ELF1: variants seen among roughly 807,000 people sequenced by gnomAD.
ELF1 encodes ETS-related transcription factor Elf-1.
ELF1 carries 24 observed loss-of-function variants against 59.9 expected under a neutral mutation model. The observed-to-expected ratio is 0.40, with a 90% CI of 0.29 to 0.56. The LOEUF is 0.56. Ranked by LOEUF, ELF1 falls within the 20% of genes least tolerant of loss-of-function variation. ELF1 has a pLI of 0.44. For missense variants in ELF1, 627 were observed against 742.2 expected, an observed-to-expected ratio of 0.84 and a Z score of 1.80; for synonymous variants, 248 against 266.2, an observed-to-expected ratio of 0.93 and a Z score of 0.67.
At chr13:40,947,102 G>T (rs1268174126) in intron 5 of ELF1, among the ~76,000 whole-genome samples, 1 of 150,284 alleles carries the variant, frequency 6.7e-6, no homozygotes, top group East Asian at 2.0e-4. Context: ...TCCAGCCTGG[G>T]TGAGAGAACG....
At chr13:40,985,556 T>C (rs192672057) in intron 1 of ELF1, among the ~76,000 whole-genome samples, 6 of 152,308 alleles carry the variant, frequency 3.9e-5, no homozygotes, top group African/African-American at 7.2e-5. Flanking sequence ...AGTAAACGCA[T>C]ATGTAAAAAA....
chr13:40,973,783 T>C (rs529174492), intron 2 of ELF1, among the ~76,000 whole-genome samples: 2 of 152,230 alleles, frequency 1.3e-5, no homozygotes, highest in Admixed American at 1.3e-4. Flanking sequence ...GTGTACAGAA[T>C]GGATAAATAA....
chr13:40,992,867 C>CTT lies in ELF1; in HGVS notation c.-228-10586_-228-10585insAA, dbSNP rs1462664016. ...TCTCTAACTCAAGAATTCTCTAGCT[C>CTT]GAGAATCAAGACTGACCTCTTTTGG... On this transcript the variant is annotated intron_variant, in intron 1 of 8. Transcript: ENST00000239882. 3 of 578,594 alleles carry CTT rather than the reference C, an allele frequency of 5.2e-6. No homozygotes were observed. In the African/African-American group the frequency reaches 5.7e-5, roughly 11 times the overall value. The allele number at this position is 578,594 out of a possible 1,614,324, so 35.8% of individuals were successfully genotyped here.
intron 2 of ELF1, among the ~76,000 whole-genome samples, chr13:40,974,274 A>T (rs1471492861): frequency 1.3e-5 from 2 of 152,202 alleles, no homozygotes; most frequent in Non-Finnish European, 2.9e-5. Flanking sequence ...AGCTAAAATT[A>T]GTAACACTTT....
intron 2 of ELF1, among the ~76,000 whole-genome samples, chr13:40,968,846 A>T (rs2138227293): frequency 6.6e-6 from 1 of 151,952 alleles, no homozygotes; most frequent in Non-Finnish European, 1.5e-5. Context: ...CAGCGACATG[A>T]ATAGCTGGGA....
rs116863740 is a variant in ELF1 at position 41,029,180 on chromosome 13, G to A, written c.-229+31658C>T. Among the ~76,000 whole-genome samples, 416 of 152,300 alleles carry A rather than the reference G, an allele frequency of 2.7e-3. 7 individuals are homozygous for A. The East Asian group carries it at 0.049, about 18-fold the overall frequency. On this transcript the variant is annotated intron_variant, in intron 1 of 1. Coordinates refer to the ELF1 transcript ENST00000405737. ...GGGTAGTTGTATCATTTTAGGCAGA[G>A]CTACAATTTCGTAATTGTCTCTATT...
chr13:40,980,894 T>C (rs188196135), intron 2 of ELF1, among the ~76,000 whole-genome samples: 18 of 152,276 alleles, frequency 1.2e-4, no homozygotes, highest in African/African-American at 4.3e-4. Context: ...CCTGAACCTG[T>C]TATCCTCCCT....
Position 40,940,402 on chromosome 13 carries a change from A to C in ELF1, c.1256+519T>G, listed in dbSNP as rs865866012. Among the ~76,000 whole-genome samples the C allele has an allele frequency of 8.1e-5, 12 of 148,238 alleles. No individual in the cohort carries two copies. The South Asian group carries it at 1.0e-3, about 13-fold the overall frequency. On this transcript the variant is annotated intron_variant, in intron 8 of 8. Transcript: ENST00000239882. ...GATTTAACTGAAAAAAAAAAAAAAA[A>C]AAAAAAAAAAAAAAAACAAACCTAC...
At chr13:40,941,451 C>CA in intron 7 of ELF1, 81 bp from the exon 8 acceptor site, 1 of 1,331,294 alleles carries the variant, frequency 7.5e-7, no homozygotes, top group Non-Finnish European at 1.0e-6. Flanking sequence ...TAATCATAAA[C>CA]AAAACTTTAA....
At chr13:40,934,416 CTTTTTTTT>C (rs10692930) in intron 8 of ELF1, among the ~76,000 whole-genome samples, 2 of 102,466 alleles carry the variant, frequency 2.0e-5, no homozygotes, top group Admixed American at 2.6e-4. Context: ...TTCATTCCTG[CTTTTTTTT>C]TTTTTTTTTT....
intron 2 of ELF1, among the ~76,000 whole-genome samples, chr13:40,963,083 C>G (rs912009408): frequency 1.8e-4 from 27 of 152,182 alleles, no homozygotes; most frequent in Non-Finnish European, 3.1e-4. Context: ...TCTATTTAAT[C>G]ATCACAAAAT....
At chr13:40,946,667 T>A (rs1299180493) in intron 5 of ELF1, among the ~76,000 whole-genome samples, 1 of 151,990 alleles carries the variant, frequency 6.6e-6, no homozygotes, top group African/African-American at 2.4e-5. Context: ...CTTTTCTTCC[T>A]CCTCCCTCCT....
At position 41,019,278 on chromosome 13, in the gene ELF1, T is replaced by C; in HGVS notation, c.-279A>G. 2 of 985,380 alleles carry C rather than the reference T, an allele frequency of 2.0e-6. No individual in the cohort carries two copies. The highest frequency in any genetic ancestry group is 2.4e-6 in the Non-Finnish European group (2 of 829,912). 61.0% of individuals were successfully genotyped at this position (985,380 alleles called of 1,614,324 possible). ...TTTTGAGCTTGAAAATAAAAAGCAA[T>C]CCGACAAGTTTTAGCTGTTAAAATG... On this transcript the variant is annotated 5_prime_UTR_variant, in exon 1 of 9. Transcript: ENST00000239882.
intron 1 of ELF1, among the ~76,000 whole-genome samples, chr13:41,009,369 T>C (rs1874924528): frequency 6.6e-6 from 1 of 151,952 alleles, no homozygotes; most frequent in East Asian, 1.9e-4. Flanking sequence ...TTTGGTCCCA[T>C]CCTTAAATTT....
upstream of ELF1, among the ~76,000 whole-genome samples, chr13:41,021,695 C>A (rs1023005589): frequency 3.2e-4 from 49 of 152,300 alleles, no homozygotes; most frequent in Middle Eastern, 6.8e-3. Context: ...TAAGTCCACA[C>A]ACTGCTATCC....
At chr13:40,937,322 T>C (rs1291341777) in intron 8 of ELF1, among the ~76,000 whole-genome samples, 1 of 152,246 alleles carries the variant, frequency 6.6e-6, no homozygotes, top group Admixed American at 6.5e-5. Context: ...TTAGCATTTG[T>C]TGAGGATCTA....
intron 1 of ELF1, among the ~76,000 whole-genome samples, chr13:41,054,931 TCTC>T (rs1352076695): frequency 6.6e-6 from 1 of 152,208 alleles, no homozygotes; most frequent in Non-Finnish European, 1.5e-5. Flanking sequence ...GCTTCCAAAA[TCTC>T]CTTGTCAAGG....
At chr13:40,955,132 C>T (rs945655727) in intron 3 of ELF1, among the ~76,000 whole-genome samples, 1 of 150,612 alleles carries the variant, frequency 6.6e-6, no homozygotes, top group African/African-American at 2.4e-5. Flanking sequence ...CTCTGCCTGG[C>T]AACCGCCGCG....
rs767170546 is a variant in ELF1 at position 40,943,119 on chromosome 13, A to G, written c.639T>C (p.Phe213=). ...CCTTGTCCTGGAGCAGTGCCAGTAA[A>G]AACTCCCAAAGATAAATTGTGTTTC... ...GKGNTIYLWE[F]LLALLQDKAT... The change falls in exon 7 of 9, where the codon TTT becomes TTC. Residue 213 remains phenylalanine (F), a synonymous_variant. Transcript: ENST00000239882. The G allele has an allele frequency of 6.5e-7, 1 of 1,535,532 alleles. No homozygotes were observed. Among genetic ancestry groups the G allele is most frequent in the South Asian group, 1.3e-5 (1 of 77,798 alleles).
Sources: gnomAD v4.1 joint callset for allele counts (sites outside exome capture counted in the v4.1 genomes callset) on GRCh38, gnomAD v4.1.1 for gene constraint, MANE v1.5 for transcripts, NCBI Gene and HGNC (gene_info 2026-07-23, HGNC 2026-07-21) for gene names.